Variants in FSIP1 observed in about 807,000 individuals in gnomAD.
FSIP1 encodes fibrous sheath-interacting protein 1.
A neutral mutation model predicts 60.9 loss-of-function variants in FSIP1; 65 were observed. The observed-to-expected ratio is 1.07, with a 90% confidence interval of 0.87 to 1.31. The LOEUF (loss-of-function observed/expected upper bound fraction) is 1.31, where lower values mean the gene tolerates loss of function less well. FSIP1 is among the 40% of genes most tolerant of loss of function. The pLI is 0.00. For missense variants in FSIP1, 675 were observed against 665.5 expected, an observed-to-expected ratio of 1.01 and a Z score of -0.16; for synonymous variants, 209 against 221.2, an observed-to-expected ratio of 0.94 and a Z score of 0.49.
At chr15:39,722,287 A>T (rs1300528840) in intron 9 of FSIP1, among the ~76,000 whole-genome samples, 2 of 151,928 alleles carry the variant, frequency 1.3e-5, no homozygotes, top group Non-Finnish European at 2.9e-5. Context: ...ACAAGCTCAG[A>T]GCTCCCACTG....
chr15:39,776,299 A>G, intron 2 of FSIP1, 100 bp downstream of exon 2: 2 of 1,155,464 alleles, frequency 1.7e-6, no homozygotes, highest in African/African-American at 3.1e-5. Flanking sequence ...CACACCGTCT[A>G]AGGAGAAAAT....
At chr15:39,633,869 A>G (rs1002682757) in intron 10 of FSIP1, among the ~76,000 whole-genome samples, 1 of 152,218 alleles carries the variant, frequency 6.6e-6, no homozygotes, top group East Asian at 1.9e-4. Flanking sequence ...TAGGTGAAAA[A>G]ACTCCAACAG....
At chr15:39,728,244 T>A (rs936773897) in intron 8 of FSIP1, among the ~76,000 whole-genome samples, 1 of 152,162 alleles carries the variant, frequency 6.6e-6, no homozygotes, top group African/African-American at 2.4e-5. Context: ...GCTATTCCTA[T>A]CAAACTACCA....
At chr15:39,683,045 C>T (rs910656777) in intron 10 of FSIP1, among the ~76,000 whole-genome samples, 26 of 152,034 alleles carry the variant, frequency 1.7e-4, no homozygotes, top group Non-Finnish European at 3.7e-4. Context: ...AAACAAAATA[C>T]ACTGGCAGTA....
At chr15:39,627,316 C>A (rs1042706118) in intron 10 of FSIP1, among the ~76,000 whole-genome samples, 1 of 152,234 alleles carries the variant, frequency 6.6e-6, no homozygotes, top group Non-Finnish European at 1.5e-5. Flanking sequence ...ACTGCCATGG[C>A]CCCTCAAGTC....
chr15:39,645,665 C>T (rs998959215), intron 10 of FSIP1, among the ~76,000 whole-genome samples: 2 of 152,236 alleles, frequency 1.3e-5, no homozygotes, highest in African/African-American at 4.8e-5. Flanking sequence ...GAGCTCCTGG[C>T]TGCAGCTGCT....
chr15:39,657,945 C>T (rs1386785634), intron 10 of FSIP1, among the ~76,000 whole-genome samples: 3 of 152,232 alleles, frequency 2.0e-5, no homozygotes, highest in African/African-American at 7.2e-5. Flanking sequence ...GCCATTCCTT[C>T]GAGAACAGCA....
At chr15:39,656,239 T>G (rs1246659678) in intron 10 of FSIP1, among the ~76,000 whole-genome samples, 1 of 152,208 alleles carries the variant, frequency 6.6e-6, no homozygotes, top group Non-Finnish European at 1.5e-5. Flanking sequence ...GCATAATGCT[T>G]TAATACCATG....
intron 5 of FSIP1, among the ~76,000 whole-genome samples, chr15:39,757,903 G>A (rs926412349): frequency 2.0e-5 from 3 of 152,036 alleles, no homozygotes; most frequent in Non-Finnish European, 2.9e-5. Flanking sequence ...CATCTTACCT[G>A]CTTTGCACAC....
chr15:39,687,531 T>C (rs1272232183), intron 10 of FSIP1, among the ~76,000 whole-genome samples: 3 of 152,164 alleles, frequency 2.0e-5, no homozygotes, highest in East Asian at 3.9e-4. Context: ...GCCAGTCACT[T>C]GCAGAGTTGG....
In FSIP1 at chr15:39,673,544, G is replaced by A. The variant is rs532205664; in HGVS notation, c.1188+39900C>T. Among the ~76,000 whole-genome samples, 82 of 152,108 alleles carry A rather than the reference G, an allele frequency of 5.4e-4. 1 individual carries two copies. The highest frequency in any genetic ancestry group is 1.7e-3 in the African/African-American group (72 of 41,480). ...TTGCCTAGCCTTGTCTCAGACTCCC[G>A]TCCTCAAGCAATCCTCCTGCCACAG... is the stretch of plus-strand genomic sequence containing the variant. On this transcript the variant is annotated intron_variant, in intron 10 of 11. Transcript: ENST00000350221.
At position 39,627,053 on chromosome 15, in the gene FSIP1, C is replaced by T. The variant is rs537008478; in HGVS notation, c.1189-8808G>A. On this transcript the variant is annotated intron_variant, in intron 10 of 11. Transcript: ENST00000350221. Reference sequence around the variant, plus strand: ...AGAGACCCCTCAAAAAGATGCTCAACCCTGGGAACTGGAAAAGAAAACTGA... The same window carrying T: ...AGAGACCCCTCAAAAAGATGCTCAATCCTGGGAACTGGAAAAGAAAACTGA... 4.6e-5 allele frequency among the ~76,000 whole-genome samples: 7 copies of T among 152,316 alleles called. No homozygotes were observed. In the South Asian group the frequency reaches 1.4e-3, roughly 32 times the overall value.
chr15:39,721,774 G>T (rs747409023), intron 9 of FSIP1, among the ~76,000 whole-genome samples: 1 of 152,094 alleles, frequency 6.6e-6, no homozygotes, highest in South Asian at 2.1e-4. Context: ...ATCTCAATTC[G>T]GTAATTGTCA....
At chr15:39,735,877 C>A (rs1323121012) in intron 8 of FSIP1, among the ~76,000 whole-genome samples, 1 of 152,062 alleles carries the variant, frequency 6.6e-6, no homozygotes, top group East Asian at 1.9e-4. Flanking sequence ...TAGCCTAGGT[C>A]TACACAGGGT....
Position 39,739,782 on chromosome 15 carries a change from G to A in FSIP1, c.663C>T (p.Thr221=). ...MQMQKLNKDF[T]CDVERNESLI... is the part of the protein sequence containing the mutation. Reference sequence around the variant, plus strand: ...ATGACTCATTTCTTTCCACATCACAGGTAAAATCTAATATTAAAAAAGTTC... The same window carrying A: ...ATGACTCATTTCTTTCCACATCACAAGTAAAATCTAATATTAAAAAAGTTC... Residue 221 remains threonine, a synonymous_variant, in exon 7 of 12, where the codon ACC becomes ACT. Coordinates refer to ENST00000350221, the MANE Select transcript of FSIP1 (RefSeq NM_152597.5). 3 of 1,546,450 alleles carry A rather than the reference G, an allele frequency of 1.9e-6. No homozygotes were observed. Among genetic ancestry groups the A allele is most frequent in the East Asian group, 2.3e-5 (1 of 42,746 alleles).
chr15:39,720,778 C>T (rs984704211), intron 9 of FSIP1, among the ~76,000 whole-genome samples: 7 of 152,022 alleles, frequency 4.6e-5, no homozygotes, highest in Non-Finnish European at 7.4e-5. Context: ...GTGGAAAGAA[C>T]GAACTGATTT....
chr15:39,653,538 T>C (rs1892958005), intron 10 of FSIP1, among the ~76,000 whole-genome samples: 1 of 152,194 alleles, frequency 6.6e-6, no homozygotes, highest in African/African-American at 2.4e-5. Context: ...TAAACTTTTT[T>C]CCATTTGATA....
intron 10 of FSIP1, among the ~76,000 whole-genome samples, chr15:39,682,968 G>A (rs1316667990): frequency 2.6e-5 from 4 of 152,162 alleles, no homozygotes; most frequent in South Asian, 4.1e-4. Context: ...TCCAGTTGAT[G>A]GAAGTTCCTG....
chr15:39,738,426 C>A (rs1234211265), intron 7 of FSIP1, among the ~76,000 whole-genome samples: 1 of 152,034 alleles, frequency 6.6e-6, no homozygotes, highest in African/African-American at 2.4e-5. Flanking sequence ...TGCTGTTAAC[C>A]ACTCCAACAG....
Sources: gnomAD v4.1 joint callset for allele counts (sites outside exome capture counted in the v4.1 genomes callset) on GRCh38, gnomAD v4.1.1 for gene constraint, MANE v1.5 for transcripts, NCBI Gene and HGNC (gene_info 2026-07-23, HGNC 2026-07-21) for gene names.